The following WWOX variants were observed in gnomAD, a reference collection of about 807,000 sequenced individuals.
WWOX encodes the protein WW domain containing oxidoreductase.
In WWOX, 69 loss-of-function variants were observed where a neutral mutation model predicts 46.2. The observed-to-expected ratio is 1.49, with a 90% CI of 1.23 to 1.82. WWOX has a LOEUF of 1.82. Ranked by LOEUF, WWOX falls within the 40% of genes most tolerant of loss-of-function variation. The pLI is 0.00. For missense variants in WWOX, 919 were observed against 542.6 expected (o/e 1.69, Z -6.89); for synonymous variants, 359 against 202.6 (o/e 1.77, Z -6.56).
At chr16:78,598,255 C>G (rs1298696190) in intron 8 of WWOX, among the ~76,000 whole-genome samples, 2 of 152,070 alleles carry the variant, frequency 1.3e-5, no homozygotes, top group Non-Finnish European at 2.9e-5. Flanking sequence ...TTTTCTAGAA[C>G]CAGTTAAAAC....
chr16:78,103,976 A>G (rs925336424), intron 1 of WWOX, among the ~76,000 whole-genome samples: 1 of 152,000 alleles, frequency 6.6e-6, no homozygotes, highest in African/African-American at 2.4e-5. Context: ...GTCGAGGTAG[A>G]CCGGGAACCC....
chr16:78,874,488 G>A (rs758646437), intron 8 of WWOX, among the ~76,000 whole-genome samples: 4 of 151,900 alleles, frequency 2.6e-5, no homozygotes, highest in Admixed American at 6.6e-5. Flanking sequence ...ACTTGTCTGA[G>A]CCTGATGTGG....
chr16:78,200,013 A>G (rs987669189), intron 5 of WWOX, among the ~76,000 whole-genome samples: 3 of 152,264 alleles, frequency 2.0e-5, no homozygotes, highest in Non-Finnish European at 4.4e-5. Flanking sequence ...AGGACCTGGT[A>G]GTCAATGTGC....
At chr16:79,162,389 C>G (rs1391457110) in intron 8 of WWOX, among the ~76,000 whole-genome samples, 1 of 152,180 alleles carries the variant, frequency 6.6e-6, no homozygotes, top group Non-Finnish European at 1.5e-5. Flanking sequence ...GTAATACTCT[C>G]TCTTGTCCCT....
rs2031608706 is a variant in WWOX, at chr16:78,099,669, G to A, written c.-110G>A. On this transcript the variant is annotated 5_prime_UTR_variant, in exon 1 of 9. Transcript: ENST00000566780. Reference sequence around the variant, plus strand: ...CCTGGAGGGCGCAGTGCGCAGGCGTGAGCGGTCGGGCCCCGACGCGCGCGG... The same window carrying A: ...CCTGGAGGGCGCAGTGCGCAGGCGTAAGCGGTCGGGCCCCGACGCGCGCGG... 2.2e-5 allele frequency: 30 copies of A among 1,368,784 alleles called. No homozygotes were observed. Among genetic ancestry groups the A allele is most frequent in the Non-Finnish European group, 2.8e-5 (29 of 1,041,282 alleles). 84.8% of individuals were successfully genotyped at this position (1,368,784 alleles called of 1,614,324 possible). A position where few individuals can be genotyped will look rare whatever the true frequency, so the allele number is the denominator to read the frequency against.
chr16:78,404,258 G>A lies in WWOX; in HGVS notation c.605+17310G>A, dbSNP rs1049705670. Among the ~76,000 whole-genome samples the A allele has an allele frequency of 2.0e-5, 3 of 152,142 alleles. No individual in the cohort carries two copies. In the East Asian group the frequency reaches 5.8e-4, roughly 29 times the overall value. On this transcript the variant is annotated intron_variant, in intron 6 of 8. Transcript: ENST00000566780. ...CTTAGTGTGATGAAAGATGCTGGGA[G>A]ATTTCACCAGTGGTATCTTATTATT...
At chr16:78,679,092 G>A (rs548316923) in intron 8 of WWOX, among the ~76,000 whole-genome samples, 1 of 152,348 alleles carries the variant, frequency 6.6e-6, no homozygotes, top group South Asian at 2.1e-4. Flanking sequence ...GCTGAGGCTG[G>A]TGCAGTTACT....
chr16:78,351,502 C>G (rs1315935325), intron 5 of WWOX, among the ~76,000 whole-genome samples: 1 of 152,110 alleles, frequency 6.6e-6, no homozygotes, highest in African/African-American at 2.4e-5. Flanking sequence ...GTGGTCTGCC[C>G]CTGTGCAGGC....
intron 8 of WWOX, among the ~76,000 whole-genome samples, chr16:78,739,804 C>G (rs569213346): frequency 1.3e-5 from 2 of 152,062 alleles, no homozygotes; most frequent in Admixed American, 6.6e-5. Flanking sequence ...GGGAGAGATT[C>G]CATCTCAAAA....
At position 78,547,322 on chromosome 16, in the gene WWOX, C is replaced by T. The variant is rs575542680; in HGVS notation, c.1056+114570C>T. Among the ~76,000 whole-genome samples, 9 of 152,070 alleles carry T rather than the reference C, an allele frequency of 5.9e-5. No individual in the cohort carries two copies. In the South Asian group the frequency reaches 1.0e-3, roughly 18 times the overall value. ...CTACTAGAGGGGGCACTATTAGTAT[C>T]CCCAATTTACAGATGAAAAAAATGA... On this transcript the variant is annotated intron_variant, in intron 8 of 8. Coordinates refer to ENST00000566780, the MANE Select transcript of WWOX (RefSeq NM_016373.4).
chr16:78,135,840 T>C (rs2033773159), intron 4 of WWOX, among the ~76,000 whole-genome samples: 2 of 152,216 alleles, frequency 1.3e-5, no homozygotes, highest in Non-Finnish European at 2.9e-5. Flanking sequence ...CACATGTACC[T>C]CTATGTGACT....
At chr16:78,535,459 A>C (rs1010207147) in intron 8 of WWOX, 2 of 152,252 alleles carry the variant, frequency 1.3e-5, no homozygotes, top group African/African-American at 4.8e-5. Context: ...AGAGGAATGC[A>C]GTGTCCACCA....
intron 8 of WWOX, among the ~76,000 whole-genome samples, chr16:78,482,503 G>C (rs977677645): frequency 2.0e-5 from 3 of 152,126 alleles, no homozygotes; most frequent in African/African-American, 7.2e-5. Flanking sequence ...GATGACAGGC[G>C]TGAGCTGCCT....
In WWOX at chr16:78,940,139, A is replaced by AT. The variant is rs1212397450; in HGVS notation, c.1057-271463dup. On this transcript the variant is annotated intron_variant, in intron 8 of 8. Coordinates refer to ENST00000566780, the MANE Select transcript of WWOX (RefSeq NM_016373.4). ...CTTCCGAGACTTGGGACAATAATAT[A>AT]TTTTTTCTACTTTAGGCAAATGTAT... Among the ~76,000 whole-genome samples the AT allele has an allele frequency of 1.3e-4, 20 of 152,248 alleles. 1 individual carries two copies. The South Asian group carries it at 3.5e-3, about 27-fold the overall frequency.
At chr16:78,800,476 A>G (rs2142650051) in intron 8 of WWOX, among the ~76,000 whole-genome samples, 1 of 152,318 alleles carries the variant, frequency 6.6e-6, no homozygotes, top group Non-Finnish European at 1.5e-5. Context: ...TGGTATCCAC[A>G]CTTCTTCTTT....
intron 8 of WWOX, among the ~76,000 whole-genome samples, chr16:78,761,827 A>T (rs2049802125): frequency 6.6e-6 from 1 of 152,198 alleles, no homozygotes; most frequent in Non-Finnish European, 1.5e-5. Context: ...ATCATGCAGT[A>T]AAGCTGACCC....
chr16:78,375,505 G>A (rs771180388), intron 5 of WWOX, among the ~76,000 whole-genome samples: 1 of 152,184 alleles, frequency 6.6e-6, no homozygotes, highest in Non-Finnish European at 1.5e-5. Context: ...TGTGCATCAG[G>A]TATTAGAGAC....
intron 5 of WWOX, among the ~76,000 whole-genome samples, chr16:78,311,578 C>G: frequency 6.6e-6 from 1 of 152,266 alleles, no homozygotes; most frequent in African/African-American, 2.4e-5. Flanking sequence ...GCAATGTGAC[C>G]TTACAAATAC....
intron 8 of WWOX, among the ~76,000 whole-genome samples, chr16:78,650,772 C>T (rs374471181): frequency 6.6e-6 from 1 of 152,136 alleles, no homozygotes; most frequent in Non-Finnish European, 1.5e-5. Flanking sequence ...TGCCATGTCT[C>T]CCCCTGTCCC....
Sources: allele counts gnomAD v4.1 joint callset (sites outside exome capture counted in the v4.1 genomes callset), GRCh38; gene constraint gnomAD v4.1.1; transcripts MANE v1.5; gene names NCBI Gene and HGNC (gene_info 2026-07-23, HGNC 2026-07-21).